The following QTMAN variants were observed in gnomAD, a reference collection of about 807,000 sequenced individuals.
The protein encoded by QTMAN is queuosine-tRNA mannosyltransferase.
At chr2:144,068,061 A>T in the QTMAN span, among the ~76,000 whole-genome samples, 1 of 152,228 alleles carries the variant, frequency 6.6e-6, no homozygotes, top group African/African-American at 2.4e-5. Context: ...ATGGTCCCTT[A>T]AGATGATTCT....
At chr2:144,142,340 C>G in the QTMAN span, among the ~76,000 whole-genome samples, 1 of 151,804 alleles carries the variant, frequency 6.6e-6, no homozygotes, top group East Asian at 1.9e-4. Flanking sequence ...GCATATTTTT[C>G]CACAATGCCA....
At chr2:144,318,889 C>A in the QTMAN span, among the ~76,000 whole-genome samples, 1 of 152,144 alleles carries the variant, frequency 6.6e-6, no homozygotes, top group Non-Finnish European at 1.5e-5. Flanking sequence ...AGAATCCATG[C>A]ACCTCATTTC....
At chr2:143,989,655 A>ACATG in the QTMAN span, among the ~76,000 whole-genome samples, 1 of 152,214 alleles carries the variant, frequency 6.6e-6, no homozygotes, top group East Asian at 1.9e-4. Flanking sequence ...CCACACATAT[A>ACATG]CATGCATATA....
chr2:144,076,558 C>T, the QTMAN span, among the ~76,000 whole-genome samples: 1 of 152,140 alleles, frequency 6.6e-6, no homozygotes, highest in African/African-American at 2.4e-5. Flanking sequence ...TTTCTGCAGA[C>T]TCGAGAGTGT....
At chr2:143,939,690 C>T in the QTMAN span, 3 of 152,190 alleles carry the variant, frequency 2.0e-5, no homozygotes, top group Admixed American at 2.0e-4. Flanking sequence ...ATCCCTGCAC[C>T]AAATAAATTA....
chr2:144,166,574 T>G, the QTMAN span, among the ~76,000 whole-genome samples: 1 of 152,216 alleles, frequency 6.6e-6, no homozygotes, highest in East Asian at 1.9e-4. Flanking sequence ...ATGCAATCTT[T>G]GGCAACTTAA....
At chr2:144,026,398 G>A in the QTMAN span, among the ~76,000 whole-genome samples, 3 of 152,054 alleles carry the variant, frequency 2.0e-5, no homozygotes, top group East Asian at 5.8e-4. Context: ...CTGCACCACT[G>A]CACTCCAGCC....
At chr2:144,093,614 TTAAATA>T in the QTMAN span, among the ~76,000 whole-genome samples, 10 of 152,214 alleles carry the variant, frequency 6.6e-5, no homozygotes, top group Admixed American at 2.0e-4. Flanking sequence ...ATTCTCAAAA[TTAAATA>T]TACTTTTTAA....
chr2:144,191,693 G>A, the QTMAN span, among the ~76,000 whole-genome samples: 2 of 152,102 alleles, frequency 1.3e-5, no homozygotes, highest in Non-Finnish European at 2.9e-5. Flanking sequence ...ACGGAACTTA[G>A]ATATAATAAA....
At chr2:144,169,400 CTG>C in the QTMAN span, among the ~76,000 whole-genome samples, 1 of 152,152 alleles carries the variant, frequency 6.6e-6, no homozygotes, top group African/African-American at 2.4e-5. Context: ...GTTGGTTCAC[CTG>C]TCTCTCCCAC....
At chr2:144,039,385 A>G in the QTMAN span, among the ~76,000 whole-genome samples, 1 of 152,072 alleles carries the variant, frequency 6.6e-6, no homozygotes, top group Non-Finnish European at 1.5e-5. Flanking sequence ...ACTCACAGAT[A>G]TGACCAAGTG....
the QTMAN span, among the ~76,000 whole-genome samples, chr2:144,020,271 C>T: frequency 6.6e-6 from 1 of 152,144 alleles, no homozygotes. Flanking sequence ...TTTCCCAAGA[C>T]ACCCTGGCCT....
the QTMAN span, among the ~76,000 whole-genome samples, chr2:144,231,879 T>A: frequency 2.0e-5 from 3 of 150,914 alleles, no homozygotes; most frequent in African/African-American, 7.3e-5. Context: ...TGTGTGTGTG[T>A]GTGTGTGTGT....
the QTMAN span, among the ~76,000 whole-genome samples, chr2:144,021,632 T>G: frequency 1.3e-5 from 2 of 152,100 alleles, no homozygotes; most frequent in African/African-American, 4.8e-5. Context: ...TTAGTGACAG[T>G]GACAGAGCTT....
At chr2:144,086,434 C>A in the QTMAN span, among the ~76,000 whole-genome samples, 1 of 152,140 alleles carries the variant, frequency 6.6e-6, no homozygotes, top group Non-Finnish European at 1.5e-5. Context: ...AGACACCATT[C>A]CCACCCTCAA....
At chr2:143,946,801 C>T in the QTMAN span, 7 of 480,482 alleles carry the variant, frequency 1.5e-5, no homozygotes, top group Non-Finnish European at 7.4e-6. Context: ...CATGTGATGC[C>T]GAGGACATGT....
the QTMAN span, among the ~76,000 whole-genome samples, chr2:143,981,566 CAA>C: frequency 6.6e-6 from 1 of 152,116 alleles, no homozygotes; most frequent in Admixed American, 6.5e-5. Flanking sequence ...TAGAAATGGA[CAA>C]AGTCATTAAT....
chr2:144,254,591 G>C, the QTMAN span, among the ~76,000 whole-genome samples: 1 of 152,272 alleles, frequency 6.6e-6, no homozygotes, highest in Admixed American at 6.5e-5. Flanking sequence ...ATATGGAATT[G>C]GAGGCCCACA....
the QTMAN span, among the ~76,000 whole-genome samples, chr2:144,330,141 T>C: frequency 6.6e-6 from 1 of 152,234 alleles, no homozygotes; most frequent in Admixed American, 6.5e-5. Flanking sequence ...TCCTAAGTGA[T>C]AGTCATGCAT....
Sources: gnomAD v4.1 joint callset for allele counts (sites outside exome capture counted in the v4.1 genomes callset) on GRCh38, gnomAD v4.1.1 for gene constraint, MANE v1.5 for transcripts, NCBI Gene and HGNC (gene_info 2026-07-23, HGNC 2026-07-21) for gene names.